The following SFI1 variants were observed in gnomAD, a reference collection of about 807,000 sequenced individuals.
SFI1 encodes the protein SFI1 centrin binding protein.
In SFI1, 195 loss-of-function variants were observed where a neutral mutation model predicts 207.5. The ratio of observed to expected loss-of-function variants is 0.94; its 90% confidence interval spans 0.84 to 1.06. SFI1 has a LOEUF of 1.06. SFI1 is among the 50% of genes least tolerant of loss of function. SFI1 has a pLI of 0.00. For missense variants in SFI1, 1,634 were observed against 1,588.0 expected, an observed-to-expected ratio of 1.03 and a Z score of -0.49; for synonymous variants, 630 against 598.9, an observed-to-expected ratio of 1.05 and a Z score of -0.76.
At chr22:31,530,986 C>A in intron 3 of SFI1, 72 bp from the exon 4 acceptor site, 1 of 1,326,614 alleles carries the variant, frequency 7.5e-7, no homozygotes, top group African/African-American at 1.5e-5. Context: ...GCTTCCTTTC[C>A]TTTCCAGAAA....
rs1603358700 is a variant in SFI1 at position 31,612,961 on chromosome 22, C to T, written c.2491-181C>T. The T allele has an allele frequency of 8.1e-6, 5 of 616,486 alleles. No individual in the cohort carries two copies. In the East Asian group the frequency reaches 1.1e-4, roughly 14 times the overall value. The allele number at this position is 616,486 out of a possible 1,614,324, so 38.2% of individuals were successfully genotyped here. ...TCTTTCATGAAGGTCATTCCTCAGG[C>T]CACAGATGGAGCGTGTGTTGAGCAT... is the stretch of plus-strand genomic sequence containing the variant. On this transcript the variant is annotated intron_variant, in intron 24 of 32. Transcript: ENST00000400288.
intron 15 of SFI1, 68 bp downstream of exon 15, chr22:31,589,645 C>A: frequency 6.6e-7 from 1 of 1,509,854 alleles, no homozygotes; most frequent in Non-Finnish European, 8.9e-7. Context: ...ACCACACAGC[C>A]CATTTGCTGT....
rs149644419 is a variant in SFI1, at chr22:31,516,241, C to T, written c.92+7865C>T. Among the ~76,000 whole-genome samples, 508 of 151,986 alleles carry T rather than the reference C, an allele frequency of 3.3e-3. 6 individuals carry two copies. The highest frequency in any genetic ancestry group is 0.012 in the African/African-American group (489 of 41,420). On this transcript the variant is annotated intron_variant, in intron 2 of 32. Transcript: ENST00000400288. ...ATGTTTTAAATTTTAAGCCGGGTGC[C>T]GTGGCTTACGTCTGGAATTCTAGCA...
intron 2 of SFI1, among the ~76,000 whole-genome samples, chr22:31,526,388 T>C (rs2057914882): frequency 6.6e-6 from 1 of 152,096 alleles, no homozygotes; most frequent in South Asian, 2.1e-4. Flanking sequence ...GAAAGCCCCA[T>C]ATAAAACCAT....
At chr22:31,607,052 G>C (rs975884581) in intron 21 of SFI1, among the ~76,000 whole-genome samples, 1 of 151,794 alleles carries the variant, frequency 6.6e-6, no homozygotes, top group Admixed American at 6.6e-5. Context: ...AACAGAGCAA[G>C]GTTGTCTCAA....
intron 4 of SFI1, among the ~76,000 whole-genome samples, chr22:31,543,844 G>C (rs1055034525): frequency 3.3e-5 from 5 of 151,522 alleles, no homozygotes; most frequent in Non-Finnish European, 7.4e-5. Context: ...ACTATGAGTG[G>C]GTTAGGAGGA....
chr22:31,559,422 C>A (rs1047959288), intron 7 of SFI1: 3 of 372,686 alleles, frequency 8.0e-6, no homozygotes, highest in African/African-American at 6.3e-5. Flanking sequence ...GACTCTGTCT[C>A]GAAAAAATAA....
At chr22:31,507,606 C>T (rs1322627240) in intron 1 of SFI1, among the ~76,000 whole-genome samples, 4 of 152,168 alleles carry the variant, frequency 2.6e-5, no homozygotes, top group Non-Finnish European at 5.9e-5. Context: ...TTTTTGCACT[C>T]TGTCCATCTG....
In SFI1 at chr22:31,546,960, CTG is replaced by C. The variant is rs756693655; in HGVS notation, c.440_441del (p.Cys147SerfsTer30). 1.4e-5 allele frequency: 23 copies of C among 1,607,590 alleles called. No individual in the cohort carries two copies. The highest frequency in any genetic ancestry group is 3.3e-4 in the Middle Eastern group (2 of 6,072). On this transcript the variant is annotated frameshift_variant, in exon 5 of 33. Transcript: ENST00000400288. LOFTEE classifies it high-confidence loss of function. ...HEWKLCVRAD[C>X]HYRYYLYNLM... ...AGTGGAAACTCTGTGTTCGAGCTGA[CTG>C]TCACTACAGGTCAGGTTTCATGTTA... is the stretch of plus-strand genomic sequence containing the variant.
chr22:31,515,413 A>G (rs1336567548), intron 2 of SFI1, among the ~76,000 whole-genome samples: 1 of 150,374 alleles, frequency 6.7e-6, no homozygotes, highest in Non-Finnish European at 1.5e-5. Context: ...CAGTGGCATG[A>G]TCATGGCTCA....
intron 15 of SFI1, among the ~76,000 whole-genome samples, chr22:31,590,970 TATTTA>T (rs1328264978): frequency 6.8e-6 from 1 of 147,428 alleles, no homozygotes. Context: ...TTTATTTATT[TATTTA>T]TTTATTTTTT....
rs781244464 is a variant in SFI1 at position 31,578,374 on chromosome 22, C to G, written c.1085-8C>G. 1 of 1,612,150 alleles carries G rather than the reference C, an allele frequency of 6.2e-7. No homozygotes were observed. The highest frequency in any genetic ancestry group is 8.5e-7 in the Non-Finnish European group (1 of 1,178,768). Reference sequence around the variant, plus strand: ...TTGTTGGGACTGGAGGCCTTCACTTCCTGGCAGACATGCTGCTGTGTGCAG... The same window carrying G: ...TTGTTGGGACTGGAGGCCTTCACTTGCTGGCAGACATGCTGCTGTGTGCAG... On this transcript the variant is annotated splice_polypyrimidine_tract_variant and splice_region_variant and intron_variant, in intron 10 of 32. Coordinates refer to ENST00000400288, the MANE Select transcript of SFI1 (RefSeq NM_001007467.3).
At chr22:31,533,375 A>G (rs900578892) in intron 4 of SFI1, among the ~76,000 whole-genome samples, 1 of 152,274 alleles carries the variant, frequency 6.6e-6, no homozygotes, top group Non-Finnish European at 1.5e-5. Context: ...TGAAAATACA[A>G]AGAAATTAGC....
chr22:31,513,961 C>G (rs1236530065), intron 2 of SFI1, among the ~76,000 whole-genome samples: 1 of 151,708 alleles, frequency 6.6e-6, no homozygotes, highest in Non-Finnish European at 1.5e-5. Flanking sequence ...TGGCAAGACC[C>G]TGTCTCTGCT....
At chr22:31,525,446 C>T (rs1170968937) in intron 2 of SFI1, among the ~76,000 whole-genome samples, 1 of 152,106 alleles carries the variant, frequency 6.6e-6, no homozygotes, top group African/African-American at 2.4e-5. Flanking sequence ...AATAAATTGG[C>T]ACTGGGTGCG....
chr22:31,600,243 GA>G (rs543373335), intron 15 of SFI1, among the ~76,000 whole-genome samples: 1,700 of 152,276 alleles, frequency 0.011, 9 homozygotes, highest in Middle Eastern at 0.034. Flanking sequence ...AAATTGAGAA[GA>G]AAAAAATTCA....
At chr22:31,532,707 TG>T (rs1466588057) in intron 4 of SFI1, among the ~76,000 whole-genome samples, 2 of 152,172 alleles carry the variant, frequency 1.3e-5, no homozygotes, top group Non-Finnish European at 2.9e-5. Context: ...ATGTTTACAG[TG>T]AAGCTCCTGA....
chr22:31,505,809 G>T (rs2054545331), intron 1 of SFI1, among the ~76,000 whole-genome samples: 1 of 152,170 alleles, frequency 6.6e-6, no homozygotes, highest in Non-Finnish European at 1.5e-5. Flanking sequence ...GCTTGAGCAT[G>T]GGAGGTTGAG....
intron 1 of SFI1, among the ~76,000 whole-genome samples, chr22:31,499,173 AT>A (rs1165689151): frequency 1.3e-5 from 2 of 148,466 alleles, no homozygotes; most frequent in Admixed American, 6.7e-5. Context: ...TGCCTCGCTA[AT>A]TTTTTTTTTG....
Sources: gnomAD v4.1 joint callset for allele counts (sites outside exome capture counted in the v4.1 genomes callset) on GRCh38, gnomAD v4.1.1 for gene constraint, MANE v1.5 for transcripts, NCBI Gene and HGNC (gene_info 2026-07-23, HGNC 2026-07-21) for gene names.